LRBA: variants seen among roughly 807,000 people sequenced by gnomAD.
LRBA encodes LPS responsive beige-like anchor protein.
A neutral mutation model predicts 330.0 loss-of-function variants in LRBA; 176 were observed. The observed-to-expected ratio is 0.53, with a 90% confidence interval of 0.47 to 0.60. The LOEUF (loss-of-function observed/expected upper bound fraction) is 0.60, where lower values mean the gene tolerates loss of function less well. Among genes scored for constraint, LRBA ranks in the 20% least tolerant of loss-of-function variants. The pLI, the probability that LRBA is intolerant of heterozygous loss-of-function variation, is 0.00. For synonymous variants in LRBA, 1,230 were observed against 1,193.0 expected (o/e 1.03, Z -0.64); for missense variants, 3,259 against 3,444.8 (o/e 0.95, Z 1.35).
chr4:150,867,318 A>C (rs1752846673), intron 22 of LRBA, among the ~76,000 whole-genome samples: 1 of 152,144 alleles, frequency 6.6e-6, no homozygotes. Context: ...CCATGTTTGT[A>C]AACAGGGCTT....
At chr4:150,700,549 T>C (rs550097325) in intron 36 of LRBA, among the ~76,000 whole-genome samples, 1 of 152,326 alleles carries the variant, frequency 6.6e-6, no homozygotes, top group East Asian at 1.9e-4. Context: ...CTGTAGACTT[T>C]ATAAACCCTG....
intron 37 of LRBA, among the ~76,000 whole-genome samples, chr4:150,622,469 T>C (rs1291223032): frequency 6.6e-6 from 1 of 152,114 alleles, no homozygotes; most frequent in Non-Finnish European, 1.5e-5. Context: ...CCCAAGAGTT[T>C]CATGCTGCAG....
At chr4:150,890,427 C>T (rs1215419281) in intron 17 of LRBA, among the ~76,000 whole-genome samples, 1 of 151,656 alleles carries the variant, frequency 6.6e-6, no homozygotes, top group African/African-American at 2.4e-5. Flanking sequence ...AGCAAATAGC[C>T]AGGCTAAGAA....
At chr4:150,955,755 G>T (rs1179483821) in intron 2 of LRBA, among the ~76,000 whole-genome samples, 1 of 148,368 alleles carries the variant, frequency 6.7e-6, no homozygotes, top group African/African-American at 2.6e-5. Context: ...ACCCAGGTGG[G>T]GTGGTGGGCG....
At chr4:150,363,523 T>C (rs2151847934) in intron 47 of LRBA, among the ~76,000 whole-genome samples, 1 of 152,364 alleles carries the variant, frequency 6.6e-6, no homozygotes, top group East Asian at 1.9e-4. Flanking sequence ...CTTTTTTATT[T>C]ATTATCTATT....
chr4:150,788,314 G>A (rs1449400430), intron 34 of LRBA, among the ~76,000 whole-genome samples: 1 of 144,894 alleles, frequency 6.9e-6, no homozygotes, highest in African/African-American at 2.7e-5. Context: ...AGCCAGGCTG[G>A]TCTCAAACTC....
At chr4:150,876,684 G>A (rs900911789) in intron 17 of LRBA, among the ~76,000 whole-genome samples, 2 of 152,172 alleles carry the variant, frequency 1.3e-5, no homozygotes, top group African/African-American at 4.8e-5. Flanking sequence ...GTTACCTACA[G>A]ACCAACCTTA....
At chr4:150,581,950 G>A (rs1000714817) in intron 40 of LRBA, 1 of 149,004 alleles carries the variant, frequency 6.7e-6, no homozygotes, top group Admixed American at 6.7e-5. Context: ...AAGAGAGAGG[G>A]AGAGAGAGAG....
At chr4:150,866,113 ATT>A (rs1324183259) in intron 22 of LRBA, among the ~76,000 whole-genome samples, 1 of 152,216 alleles carries the variant, frequency 6.6e-6, no homozygotes, top group East Asian at 1.9e-4. Flanking sequence ...AGAAATTATC[ATT>A]CTTGGTATTT....
chr4:150,540,079 T>C (rs1173113273), intron 40 of LRBA, among the ~76,000 whole-genome samples: 1 of 152,258 alleles, frequency 6.6e-6, no homozygotes, highest in Non-Finnish European at 1.5e-5. Flanking sequence ...TATGTCTTGC[T>C]ACTTAATAAA....
At chr4:150,881,914 C>T (rs1579085502) in intron 17 of LRBA, among the ~76,000 whole-genome samples, 1 of 152,056 alleles carries the variant, frequency 6.6e-6, no homozygotes, top group East Asian at 1.9e-4. Context: ...TGGCAAAACC[C>T]TGTCTCTATT....
chr4:150,597,008 C>A, intron 38 of LRBA: 1 of 724,268 alleles, frequency 1.4e-6, no homozygotes, highest in Non-Finnish European at 2.3e-6. Context: ...ATATTTCAAA[C>A]GCAAGTTTTG....
At chr4:150,573,517 A>G (rs998399217) in intron 40 of LRBA, among the ~76,000 whole-genome samples, 1 of 152,186 alleles carries the variant, frequency 6.6e-6, no homozygotes, top group African/African-American at 2.4e-5. Flanking sequence ...TAGAGAGACT[A>G]TATAATATAG....
intron 2 of LRBA, among the ~76,000 whole-genome samples, chr4:150,937,412 T>C (rs1362919789): frequency 1.3e-5 from 2 of 152,124 alleles, no homozygotes; most frequent in African/African-American, 4.8e-5. Flanking sequence ...CTACAAAATG[T>C]AATCTTCCCA....
intron 31 of LRBA, among the ~76,000 whole-genome samples, chr4:150,813,896 G>A (rs1441368926): frequency 6.6e-6 from 1 of 151,996 alleles, no homozygotes; most frequent in Non-Finnish European, 1.5e-5. Context: ...GGTAAGTTAG[G>A]TGCATTAAAT....
chr4:150,278,472 C>A (rs1747098265), intron 55 of LRBA, among the ~76,000 whole-genome samples: 1 of 152,006 alleles, frequency 6.6e-6, no homozygotes, highest in South Asian at 2.1e-4. Flanking sequence ...CCTGAGCCTG[C>A]TGGATTTTGA....
intron 45 of LRBA, 70 bp from the exon 46 acceptor site, chr4:150,435,778 A>G: frequency 7.9e-7 from 1 of 1,261,930 alleles, no homozygotes; most frequent in Non-Finnish European, 1.1e-6. Flanking sequence ...ATAAATTCTT[A>G]GAACTAAATA....
At chr4:150,297,886 A>G (rs141226825) in intron 53 of LRBA, among the ~76,000 whole-genome samples, 1 of 152,266 alleles carries the variant, frequency 6.6e-6, no homozygotes, top group East Asian at 1.9e-4. Flanking sequence ...GGGTAAAAGG[A>G]GGAGTAAAGT....
intron 2 of LRBA, among the ~76,000 whole-genome samples, chr4:151,010,569 T>C (rs1048758436): frequency 6.6e-6 from 1 of 152,008 alleles, no homozygotes; most frequent in African/African-American, 2.4e-5. Context: ...ATTAGCAAAG[T>C]TGGAAGGTAG....
Sources: gnomAD v4.1 joint callset for allele counts (sites outside exome capture counted in the v4.1 genomes callset) on GRCh38, gnomAD v4.1.1 for gene constraint, MANE v1.5 for transcripts, NCBI Gene and HGNC (gene_info 2026-07-23, HGNC 2026-07-21) for gene names.